The following ALG9 variants were observed in gnomAD, a reference collection of about 807,000 sequenced individuals.
ALG9 encodes ALG9 alpha-1,2-mannosyltransferase.
A neutral mutation model predicts 81.8 loss-of-function variants in ALG9; 55 were observed. The observed-to-expected ratio is 0.67, with a 90% CI of 0.54 to 0.84. ALG9 has a LOEUF of 0.84. ALG9 is among the 40% of genes least tolerant of loss of function. The probability of loss-of-function intolerance (pLI) is 0.00; values close to 1 mark genes in which losing one functional copy is unlikely to be tolerated. For synonymous variants in ALG9, 278 were observed against 274.3 expected, an observed-to-expected ratio of 1.01 and a Z score of -0.13; for missense variants, 629 against 745.0, an observed-to-expected ratio of 0.84 and a Z score of 1.81.
chr11:111,820,116 G>A lies in ALG9; in HGVS notation c.1603-10343C>T, dbSNP rs922377790. On this transcript the variant is annotated intron_variant, in intron 13 of 14. Coordinates refer to ENST00000616540, the MANE Select transcript of ALG9 (RefSeq NM_024740.2). ...GGTGTCTGGTAAGGGCCTTCTCACT[G>A]TGCCATCAAAATATATGACTCTATT... Among the ~76,000 whole-genome samples the A allele has an allele frequency of 9.2e-5, 14 of 152,260 alleles. No individual in the cohort carries two copies. The Middle Eastern group carries it at 0.01, about 111-fold the overall frequency.
intron 13 of ALG9, among the ~76,000 whole-genome samples, chr11:111,822,722 TAAAC>T (rs1952631524): frequency 2.7e-5 from 4 of 147,258 alleles, no homozygotes; most frequent in South Asian, 2.2e-4. Context: ...AAAAACAAAA[TAAAC>T]AAACAAAAAA....
At chr11:111,787,613 C>A (rs551646145) in intron 14 of ALG9, among the ~76,000 whole-genome samples, 1 of 151,364 alleles carries the variant, frequency 6.6e-6, no homozygotes, top group East Asian at 2.0e-4. Flanking sequence ...CCCACCACCA[C>A]GACCGGCTAA....
At chr11:111,790,944 G>A (rs1057187584) in intron 14 of ALG9, among the ~76,000 whole-genome samples, 2 of 152,066 alleles carry the variant, frequency 1.3e-5, no homozygotes, top group Non-Finnish European at 2.9e-5. Context: ...ATAGAGCAGA[G>A]GACTTTTACT....
Position 111,864,556 on chromosome 11 carries a change from T to C in ALG9, c.476+625A>G, listed in dbSNP as rs948980603. ...TGAAGCCTGTACAAAAGCTTATCCC[T>C]GTAGCACATGTGCTGTAATATACGA... On this transcript the variant is annotated intron_variant, in intron 4 of 14. Transcript: ENST00000616540. 3 of 600,322 alleles carry C rather than the reference T, an allele frequency of 5.0e-6. No individual in the cohort carries two copies. In the African/African-American group the frequency reaches 5.6e-5, roughly 11 times the overall value. 37.2% of individuals were successfully genotyped at this position (600,322 alleles called of 1,614,324 possible). A position where few individuals can be genotyped will look rare whatever the true frequency, so the allele number is the denominator to read the frequency against.
intron 13 of ALG9, among the ~76,000 whole-genome samples, chr11:111,823,666 G>A (rs1221818414): frequency 6.6e-6 from 1 of 152,162 alleles, no homozygotes; most frequent in Non-Finnish European, 1.5e-5. Context: ...TCATCTCTAA[G>A]AGCTTTAGCA....
intron 3 of ALG9, among the ~76,000 whole-genome samples, chr11:111,866,607 C>A (rs1962559847): frequency 6.6e-6 from 1 of 151,848 alleles, no homozygotes; most frequent in South Asian, 2.1e-4. Context: ...ATCTTGCTTT[C>A]CATTTCACTT....
At chr11:111,774,607 T>C in the ALG9 span, among the ~76,000 whole-genome samples, 1 of 152,252 alleles carries the variant, frequency 6.6e-6, no homozygotes, top group Non-Finnish European at 1.5e-5. Flanking sequence ...TTGTACTTTG[T>C]CTAAACTCCA....
rs538872811 is a variant in ALG9 at position 111,850,596 on chromosome 11, A to G, written c.895+2784T>C. Among the ~76,000 whole-genome samples, 275 of 150,242 alleles carry G rather than the reference A, an allele frequency of 1.8e-3. 2 individuals carry two copies. The highest frequency in any genetic ancestry group is 6.3e-3 in the African/African-American group (258 of 41,006). On this transcript the variant is annotated intron_variant, in intron 8 of 14. Transcript: ENST00000616540. ...GTGATGGGTGCCTGTAATCCCAGCT[A>G]CTAGGGAGGCTGAGGCAGGCGAATA...
At chr11:111,826,762 G>A (rs147936033) in intron 13 of ALG9, among the ~76,000 whole-genome samples, 100 of 152,186 alleles carry the variant, frequency 6.6e-4, no homozygotes, top group Middle Eastern at 6.8e-3. Flanking sequence ...TTCAGTTCTG[G>A]GGATAGTCTC....
At chr11:111,829,651 A>C (rs17567433) in intron 13 of ALG9, among the ~76,000 whole-genome samples, 2,827 of 152,332 alleles carry the variant, frequency 0.019, 70 homozygotes, top group Admixed American at 0.076. Flanking sequence ...TTGAGATCCC[A>C]ATAATAAAAG....
Position 111,821,528 on chromosome 11 carries a change from T to G in ALG9, c.1603-11755A>C, listed in dbSNP as rs139880376. Among the ~76,000 whole-genome samples the G allele has an allele frequency of 3.6e-3, 545 of 152,306 alleles. 3 individuals carry two copies. Among genetic ancestry groups the G allele is most frequent in the African/African-American group, 0.01 (424 of 41,550 alleles). ...GGCTGTAGTTTTGCTGAATCATAGG[T>G]AGGAACAGTGGGAATCTGTTCTTAC... is the stretch of plus-strand genomic sequence containing the variant. On this transcript the variant is annotated intron_variant, in intron 13 of 14. Coordinates refer to ENST00000616540, the MANE Select transcript of ALG9 (RefSeq NM_024740.2).
chr11:111,858,766 C>T (rs569583226), intron 5 of ALG9, among the ~76,000 whole-genome samples: 57 of 152,292 alleles, frequency 3.7e-4, no homozygotes, highest in African/African-American at 1.3e-3. Context: ...AAAACAACCA[C>T]AATTAATAGG....
chr11:111,782,015 A>G (rs1488569905), downstream of ALG9, among the ~76,000 whole-genome samples: 1 of 152,208 alleles, frequency 6.6e-6, no homozygotes, highest in African/African-American at 2.4e-5. Context: ...TGGGTTTCCC[A>G]AAGTCTTCTT....
At chr11:111,871,200 A>G in intron 1 of ALG9, 152 bp downstream of exon 1, 1 of 1,302,506 alleles carries the variant, frequency 7.7e-7, no homozygotes, top group African/African-American at 1.6e-5. Context: ...CCGCCCAGGA[A>G]GACCAATAGG....
the ALG9 span, among the ~76,000 whole-genome samples, chr11:111,776,840 G>A: frequency 7.3e-3 from 1,116 of 152,298 alleles, 8 homozygotes; most frequent in Middle Eastern, 0.054. Flanking sequence ...CTGTAAATGT[G>A]TGCTTTTCAA....
chr11:111,832,008 A>T (rs1954455498), intron 13 of ALG9, among the ~76,000 whole-genome samples: 1 of 152,212 alleles, frequency 6.6e-6, no homozygotes. Flanking sequence ...CAGCATAGGA[A>T]TACACATAGT....
chr11:111,870,871 A>G, intron 1 of ALG9: 1 of 1,000,502 alleles, frequency 1.0e-6, no homozygotes, highest in Non-Finnish European at 1.2e-6. Context: ...GTTCAGATAG[A>G]AGCCTAGGTG....
At chr11:111,793,760 CAAAAA>C (rs35166603) in intron 14 of ALG9, among the ~76,000 whole-genome samples, 2 of 53,886 alleles carry the variant, frequency 3.7e-5, no homozygotes, top group African/African-American at 5.6e-5. Flanking sequence ...GAGTCCAGCT[CAAAAA>C]AAAAAAAAAA....
chr11:111,860,459 G>T, intron 5 of ALG9, 88 bp downstream of exon 5: 1 of 1,078,154 alleles, frequency 9.3e-7, no homozygotes, highest in South Asian at 1.3e-5. Flanking sequence ...ATGCAACTGT[G>T]AACTATTGGT....
Sources: allele counts gnomAD v4.1 joint callset (sites outside exome capture counted in the v4.1 genomes callset), GRCh38; gene constraint gnomAD v4.1.1; transcripts MANE v1.5; gene names NCBI Gene and HGNC (gene_info 2026-07-23, HGNC 2026-07-21).